The following TTC28 variants were observed in gnomAD, a reference collection of about 807,000 sequenced individuals.
TTC28 encodes the protein tetratricopeptide repeat protein 28.
A neutral mutation model predicts 198.0 loss-of-function variants in TTC28; 61 were observed. That is an observed-to-expected ratio of 0.31 (90% CI 0.25 to 0.38). TTC28 has a LOEUF of 0.38. TTC28 is among the 10% of genes least tolerant of loss of function. The probability of loss-of-function intolerance (pLI) is 1.00; values close to 1 mark genes in which losing one functional copy is unlikely to be tolerated. For synonymous variants in TTC28, 1,171 were observed against 1,297.8 expected, an observed-to-expected ratio of 0.90 and a Z score of 2.10; for missense variants, 2,678 against 3,164.0, an observed-to-expected ratio of 0.85 and a Z score of 3.69.
chr22:28,320,588 G>C lies in TTC28; in HGVS notation c.382-13945C>G, dbSNP rs1264243676. Reference sequence around the variant, plus strand: ...TAAAATATGATTTTCTCATAAACCTGTCACCTTAATAACACTTTTGATACA... The same window carrying C: ...TAAAATATGATTTTCTCATAAACCTCTCACCTTAATAACACTTTTGATACA... On this transcript the variant is annotated intron_variant, in intron 2 of 22. Transcript: ENST00000397906. 2.6e-5 allele frequency among the ~76,000 whole-genome samples: 4 copies of C among 152,058 alleles called. No individual in the cohort carries two copies. The East Asian group carries it at 7.7e-4, about 29-fold the overall frequency.
At chr22:28,402,142 A>C (rs1601345317) in intron 2 of TTC28, among the ~76,000 whole-genome samples, 1 of 152,358 alleles carries the variant, frequency 6.6e-6, no homozygotes, top group East Asian at 1.9e-4. Flanking sequence ...GAAATGGTAG[A>C]ATAGTAATAG....
intron 16 of TTC28, 182 bp downstream of exon 16, chr22:27,998,358 A>T: frequency 2.0e-6 from 2 of 1,011,080 alleles, no homozygotes; most frequent in Non-Finnish European, 2.8e-6. Context: ...AGATGATCTT[A>T]ATAGTAGGAA....
chr22:28,103,994 G>A (rs552318050), intron 8 of TTC28, among the ~76,000 whole-genome samples: 1 of 152,286 alleles, frequency 6.6e-6, no homozygotes, highest in East Asian at 1.9e-4. Flanking sequence ...AGAAGCGGAG[G>A]TAGATAAGGT....
At chr22:28,457,710 T>C (rs17413461) in intron 2 of TTC28, among the ~76,000 whole-genome samples, 10,612 of 152,236 alleles carry the variant, frequency 0.07, 541 homozygotes, top group Non-Finnish European at 0.097. Context: ...AATTATCCTT[T>C]ATTGTGTGGT....
At chr22:28,053,823 A>G (rs141568311) in intron 12 of TTC28, among the ~76,000 whole-genome samples, 185 of 152,190 alleles carry the variant, frequency 1.2e-3, no homozygotes, top group African/African-American at 4.3e-3. Context: ...GAAAGAAGCA[A>G]TCTCTCCTGG....
chr22:27,998,211 T>G, intron 16 of TTC28: 1 of 376,960 alleles, frequency 2.7e-6, no homozygotes, highest in Non-Finnish European at 4.8e-6. Flanking sequence ...TCCTAAGTCT[T>G]TCTACCACAC....
Position 28,094,063 on chromosome 22 carries a change from G to A in TTC28, c.3932+17C>T, listed in dbSNP as rs918065512. 10 of 1,508,144 alleles carry A rather than the reference G, an allele frequency of 6.6e-6. No individual in the cohort carries two copies. The African/African-American group carries it at 1.3e-4, about 19-fold the overall frequency. The allele number at this position is 1,508,144 out of a possible 1,614,324, so 93.4% of individuals were successfully genotyped here. A position where few individuals can be genotyped will look rare whatever the true frequency, so the allele number is the denominator to read the frequency against. ...AGATTTATCTGAAAATGGACTTGGGGATGTTTTACTACCTACCTTGAGTAG... is the reference window on the plus strand; with the variant it reads ...AGATTTATCTGAAAATGGACTTGGGAATGTTTTACTACCTACCTTGAGTAG... On this transcript the variant is annotated intron_variant, in intron 12 of 22. Transcript: ENST00000397906.
chr22:27,987,958 A>G (rs1004205809), intron 21 of TTC28, among the ~76,000 whole-genome samples: 2 of 152,338 alleles, frequency 1.3e-5, no homozygotes, highest in African/African-American at 2.4e-5. Flanking sequence ...TCACACCTGA[A>G]TCCCAGCACT....
chr22:28,636,786 T>C (rs905358678), intron 1 of TTC28, among the ~76,000 whole-genome samples: 1 of 152,134 alleles, frequency 6.6e-6, no homozygotes, highest in African/African-American at 2.4e-5. Context: ...CCTTATCAGG[T>C]ATATGATTTG....
intron 2 of TTC28, among the ~76,000 whole-genome samples, chr22:28,586,784 G>A (rs1034319058): frequency 6.6e-6 from 1 of 152,104 alleles, no homozygotes; most frequent in South Asian, 2.1e-4. Context: ...TATATAGAAA[G>A]TGCTTCAACC....
chr22:28,167,504 AG>A (rs1233712704), intron 5 of TTC28, among the ~76,000 whole-genome samples: 3 of 152,224 alleles, frequency 2.0e-5, no homozygotes, highest in Admixed American at 6.5e-5. Context: ...CTGCGATGCA[AG>A]GCTGGTTCAA....
chr22:28,340,757 T>G (rs983344515), intron 2 of TTC28, among the ~76,000 whole-genome samples: 5 of 152,202 alleles, frequency 3.3e-5, no homozygotes, highest in African/African-American at 4.8e-5. Flanking sequence ...AATTGGAAGT[T>G]ACTGCAGTAA....
intron 2 of TTC28, among the ~76,000 whole-genome samples, chr22:28,331,212 T>C (rs2045611099): frequency 6.6e-6 from 1 of 152,160 alleles, no homozygotes; most frequent in Non-Finnish European, 1.5e-5. Flanking sequence ...GGTTAAGGAC[T>C]TGCCTAAGCT....
At chr22:28,635,854 TATATA>T (rs1422662625) in intron 1 of TTC28, among the ~76,000 whole-genome samples, 10 of 152,254 alleles carry the variant, frequency 6.6e-5, no homozygotes, top group South Asian at 2.1e-4. Flanking sequence ...AAATTTCAAG[TATATA>T]ATATATTAAC....
chr22:28,554,696 C>G (rs1005376867), intron 2 of TTC28, among the ~76,000 whole-genome samples: 6 of 151,994 alleles, frequency 3.9e-5, no homozygotes, highest in Non-Finnish European at 8.8e-5. Flanking sequence ...CATGGTGAAA[C>G]CCCATCTCTA....
intron 5 of TTC28, among the ~76,000 whole-genome samples, chr22:28,168,299 T>C (rs570721662): frequency 8.9e-4 from 135 of 152,314 alleles, no homozygotes; most frequent in African/African-American, 2.8e-3. Context: ...ACAGACTTTC[T>C]TCACAGAATT....
chr22:28,033,964 T>G (rs946267709), intron 12 of TTC28, among the ~76,000 whole-genome samples: 4 of 152,088 alleles, frequency 2.6e-5, no homozygotes, highest in African/African-American at 9.7e-5. Flanking sequence ...AGTACATGTA[T>G]GTATATAGAA....
chr22:28,211,114 A>C (rs1052302649), intron 5 of TTC28, among the ~76,000 whole-genome samples: 57 of 152,288 alleles, frequency 3.7e-4, no homozygotes, highest in East Asian at 1.5e-3. Context: ...GCCTGCCCTA[A>C]AAGAGCTCCT....
At chr22:28,077,739 C>T (rs901426049) in intron 12 of TTC28, among the ~76,000 whole-genome samples, 3 of 152,084 alleles carry the variant, frequency 2.0e-5, no homozygotes, top group Admixed American at 6.5e-5. Flanking sequence ...TAGAAAAACA[C>T]CAAAAGGGAA....
Sources: allele counts gnomAD v4.1 joint callset (sites outside exome capture counted in the v4.1 genomes callset), GRCh38; gene constraint gnomAD v4.1.1; transcripts MANE v1.5; gene names NCBI Gene and HGNC (gene_info 2026-07-23, HGNC 2026-07-21).